The following NOTCH2NLR variants were observed in gnomAD, a reference collection of about 807,000 sequenced individuals.
NOTCH2NLR encodes notch 2 N-terminal like R, also known as notch 2 N-terminal like R (pseudogene).
A neutral mutation model predicts 35.6 loss-of-function variants in NOTCH2NLR; 33 were observed. The observed-to-expected ratio is 0.93, with a 90% confidence interval of 0.70 to 1.24. The LOEUF (loss-of-function observed/expected upper bound fraction) is 1.24, where lower values mean the gene tolerates loss of function less well. NOTCH2NLR is among the 50% of genes most tolerant of loss of function. The pLI, the probability that NOTCH2NLR is intolerant of heterozygous loss-of-function variation, is 0.00. For synonymous variants in NOTCH2NLR, 103 were observed against 141.0 expected, an observed-to-expected ratio of 0.73 and a Z score of 1.91; for missense variants, 276 against 362.2, an observed-to-expected ratio of 0.76 and a Z score of 1.93.
rs1651523654 is a variant in NOTCH2NLR at position 120,793,816 on chromosome 1, G to A, written c.821G>A (p.Arg274Gln). ...GCAAGTCTGGAATGGAAAAGAACACGATGAGAATTAGACACTGGAAAATAT... is the reference window on the plus strand; with the variant it reads ...GCAAGTCTGGAATGGAAAAGAACACAATGAGAATTAGACACTGGAAAATAT... Residue 274 changes from arginine to glutamine, a missense_variant, in exon 5 of 5, where the codon CGA becomes CAA. Transcript: ENST00000624419. 4.2e-6 allele frequency: 4 copies of A among 946,524 alleles called. 1 individual carries two copies. The highest frequency in any genetic ancestry group is 2.1e-4 in the Middle Eastern group (1 of 4,766). 58.6% of individuals were successfully genotyped at this position (946,524 alleles called of 1,614,324 possible). A position where few individuals can be genotyped will look rare whatever the true frequency, so the allele number is the denominator to read the frequency against.
intron 2 of NOTCH2NLR, among the ~76,000 whole-genome samples, chr1:120,784,675 A>G (rs1651401673): frequency 8.5e-6 from 1 of 117,322 alleles, no homozygotes; most frequent in Admixed American, 8.1e-5. Context: ...TTTTCACAGC[A>G]CTTAACTCCA....
At chr1:120,756,021 G>T in intron 1 of NOTCH2NLR, among the ~76,000 whole-genome samples, 1 of 105,254 alleles carries the variant, frequency 9.5e-6, no homozygotes, top group East Asian at 2.3e-4. Flanking sequence ...TTATTTAAAT[G>T]TACCACTTGG....
intron 2 of NOTCH2NLR, among the ~76,000 whole-genome samples, chr1:120,779,556 AC>A (rs1412927742): frequency 5.8e-5 from 7 of 121,200 alleles, no homozygotes; most frequent in Non-Finnish European, 1.2e-4. Context: ...CAGGAGGGAA[AC>A]ATTCATATAG....
intron 2 of NOTCH2NLR, 46 bp downstream of exon 2, chr1:120,763,755 G>C: frequency 1.4e-6 from 1 of 720,366 alleles, no homozygotes; most frequent in Non-Finnish European, 2.4e-6. Context: ...TAGAACACTG[G>C]ACAAGATTTG....
chr1:120,779,722 A>G (rs1651341003), intron 2 of NOTCH2NLR, among the ~76,000 whole-genome samples: 1 of 121,392 alleles, frequency 8.2e-6, no homozygotes, highest in Non-Finnish European at 1.7e-5. Flanking sequence ...CCATGTTTTC[A>G]CTCTCTAACC....
chr1:120,726,806 T>G (rs1483540690), intron 1 of NOTCH2NLR, among the ~76,000 whole-genome samples: 1 of 113,028 alleles, frequency 8.8e-6, no homozygotes, highest in African/African-American at 5.4e-5. Context: ...TCTCTTATTT[T>G]TCTGAATGTT....
In NOTCH2NLR at chr1:120,790,309, G is replaced by C. The variant is rs1172237992; in HGVS notation, c.416-2852G>C. 3.0e-3 allele frequency among the ~76,000 whole-genome samples: 329 copies of C among 111,426 alleles called. 36 individuals carry two copies. The highest frequency in any genetic ancestry group is 6.0e-3 in the East Asian group (27 of 4,478). The allele number at this position is 111,426 out of a possible 152,430, so 73.1% of individuals were successfully genotyped here. On this transcript the variant is annotated intron_variant, in intron 3 of 4. Transcript: ENST00000624419. Reference sequence around the variant, plus strand: ...GATTACAGGTGTGAGCCACCACACCGGGCCGATTCTGATCATCTTTTATAC... The same window carrying C: ...GATTACAGGTGTGAGCCACCACACCCGGCCGATTCTGATCATCTTTTATAC...
chr1:120,750,738 T>A (rs1429437451), intron 1 of NOTCH2NLR, among the ~76,000 whole-genome samples: 1 of 113,736 alleles, frequency 8.8e-6, no homozygotes, highest in East Asian at 2.2e-4. Context: ...ACATAAAAAC[T>A]CACTGTGCTC....
rs1651318852 is a variant in NOTCH2NLR at position 120,778,079 on chromosome 1, T to C, written c.156-6895T>C. Among the ~76,000 whole-genome samples the C allele has an allele frequency of 2.4e-5, 2 of 81,892 alleles. 1 individual carries two copies. Among genetic ancestry groups the C allele is most frequent in the African/African-American group, 1.9e-4 (2 of 10,602 alleles). The allele number at this position is 81,892 out of a possible 152,430, so 53.7% of individuals were successfully genotyped here. On this transcript the variant is annotated intron_variant, in intron 2 of 4. Coordinates refer to ENST00000624419, the Ensembl canonical transcript of NOTCH2NLR. ...GCTGTTAGCAATTACTTTTATCTACTTTAACAGGGGGGACAGAGTAGGGGG... is the reference window on the plus strand; with the variant it reads ...GCTGTTAGCAATTACTTTTATCTACCTTAACAGGGGGGACAGAGTAGGGGG...
intron 1 of NOTCH2NLR, among the ~76,000 whole-genome samples, chr1:120,735,362 G>T (rs1650904165): frequency 2.3e-5 from 2 of 86,614 alleles, no homozygotes; most frequent in Non-Finnish European, 4.1e-5. Flanking sequence ...ACCGTGCCTG[G>T]TCCTTGCAGC....
chr1:120,770,711 T>C (rs1341758231), intron 2 of NOTCH2NLR, among the ~76,000 whole-genome samples: 53,430 of 95,818 alleles, frequency 0.56, 14,944 homozygotes, highest in Middle Eastern at 0.59. Flanking sequence ...ACCTGAGATA[T>C]ACTCGTGGAA....
rs1651114635 is a variant in NOTCH2NLR, at chr1:120,759,827, T to C, written c.74-3801T>C. Among the ~76,000 whole-genome samples, 2 of 115,550 alleles carry C rather than the reference T, an allele frequency of 1.7e-5. 1 individual carries two copies. Among genetic ancestry groups the C allele is most frequent in the Non-Finnish European group, 3.3e-5 (2 of 60,948 alleles). The allele number at this position is 115,550 out of a possible 152,430, so 75.8% of individuals were successfully genotyped here. ...TCCTTCATCTCAAATATTTAACATT[T>C]TTTGAAATTTACTCTCTTAGCAATT... is the stretch of plus-strand genomic sequence containing the variant. On this transcript the variant is annotated intron_variant, in intron 1 of 4. Coordinates refer to ENST00000624419, the Ensembl canonical transcript of NOTCH2NLR.
chr1:120,767,926 G>A lies in NOTCH2NLR; in HGVS notation c.155+4217G>A, dbSNP rs1191538134. Among the ~76,000 whole-genome samples, 6 of 118,062 alleles carry A rather than the reference G, an allele frequency of 5.1e-5. 2 individuals carry two copies. The highest frequency in any genetic ancestry group is 3.0e-4 in the African/African-American group (6 of 20,288). 77.5% of individuals were successfully genotyped at this position (118,062 alleles called of 152,430 possible). ...TCTGCTGGTTCTTAACAACTGGGTT[G>A]TCTATGGATGTGTTTCTATTTCTAT... On this transcript the variant is annotated intron_variant, in intron 2 of 4. Coordinates refer to ENST00000624419, the Ensembl canonical transcript of NOTCH2NLR.
intron 1 of NOTCH2NLR, among the ~76,000 whole-genome samples, chr1:120,724,751 G>A (rs1354020139): frequency 8.4e-6 from 1 of 118,858 alleles, no homozygotes; most frequent in Non-Finnish European, 1.7e-5. Flanking sequence ...GGCCGGGTGT[G>A]TGGGCTTGGT....
chr1:120,768,586 A>G (rs1411828344), intron 2 of NOTCH2NLR, among the ~76,000 whole-genome samples: 1 of 109,312 alleles, frequency 9.1e-6, no homozygotes, highest in South Asian at 2.7e-4. Context: ...CTGCTGCATG[A>G]ACTGGGGTGT....
chr1:120,728,109 G>A (rs1650835452), intron 1 of NOTCH2NLR, among the ~76,000 whole-genome samples: 1 of 116,058 alleles, frequency 8.6e-6, no homozygotes, highest in Non-Finnish European at 1.7e-5. Context: ...GTGTACAAAT[G>A]CGCTTATGTG....
In NOTCH2NLR at chr1:120,784,833, G is replaced by A; in HGVS notation, c.156-141G>A. 4 of 945,464 alleles carry A rather than the reference G, an allele frequency of 4.2e-6. 1 individual carries two copies. The highest frequency in any genetic ancestry group is 3.1e-4 in the Middle Eastern group (1 of 3,266). The allele number at this position is 945,464 out of a possible 1,614,324, so 58.6% of individuals were successfully genotyped here. ...CTCTAAGGACTCTTTCTTCTAAAGG[G>A]AAGCAGTTTTATAGGTGGTACTTGT... On this transcript the variant is annotated intron_variant, in intron 2 of 4. Transcript: ENST00000624419.
chr1:120,733,113 T>TATA lies in NOTCH2NLR; in HGVS notation c.73+8863_73+8864insATA, dbSNP rs1650881354. ...ATTTAGAAAAGCTGTTGATTTATTT[T>TATA]TATATATATATATATATATGTTTAG... is the stretch of plus-strand genomic sequence containing the variant. On this transcript the variant is annotated intron_variant, in intron 1 of 4. Transcript: ENST00000624419. Among the ~76,000 whole-genome samples, 3 of 85,060 alleles carry TATA rather than the reference T, an allele frequency of 3.5e-5. 1 individual carries two copies. The highest frequency in any genetic ancestry group is 1.7e-4 in the African/African-American group (2 of 11,590). 55.8% of individuals were successfully genotyped at this position (85,060 alleles called of 152,430 possible). A position where few individuals can be genotyped will look rare whatever the true frequency, so the allele number is the denominator to read the frequency against.
chr1:120,724,325 C>G (rs1650790603), intron 1 of NOTCH2NLR, 75 bp downstream of exon 1: 1 of 1,361,420 alleles, frequency 7.3e-7, no homozygotes, highest in East Asian at 2.6e-5. Context: ...CCCCCTCAGT[C>G]CTTCTCTGTG....
Sources: gnomAD v4.1 joint callset for allele counts (sites outside exome capture counted in the v4.1 genomes callset) on GRCh38, gnomAD v4.1.1 for gene constraint, MANE v1.5 for transcripts, NCBI Gene and HGNC (gene_info 2026-07-23, HGNC 2026-07-21) for gene names.